SLC26A9: variants seen among roughly 807,000 people sequenced by gnomAD.
SLC26A9 encodes anion transporter/exchanger protein 9.
In SLC26A9, 46 loss-of-function variants were observed where a neutral mutation model predicts 87.1. That is an observed-to-expected ratio of 0.53 (90% CI 0.42 to 0.67). The LOEUF (loss-of-function observed/expected upper bound fraction) is 0.67. SLC26A9 is among the 30% of genes least tolerant of loss of function. The pLI, the probability that SLC26A9 is intolerant of heterozygous loss-of-function variation, is 0.00. For missense variants in SLC26A9, 927 were observed against 1,018.3 expected, an observed-to-expected ratio of 0.91 and a Z score of 1.22; for synonymous variants, 437 against 409.1, an observed-to-expected ratio of 1.07 and a Z score of -0.82.
At position 205,914,482 on chromosome 1, in the gene SLC26A9, A is replaced by C; in HGVS notation, c.*875T>G. On this transcript the variant is annotated 3_prime_UTR_variant, in exon 21 of 21. Coordinates refer to ENST00000367135, the MANE Select transcript of SLC26A9 (RefSeq NM_052934.4). Reference sequence around the variant, plus strand: ...TCTGAGTCTCTGGGTGCAAAGAGGAATTCCCAAAAGTTTTGTGCAGAATAA... The same window carrying C: ...TCTGAGTCTCTGGGTGCAAAGAGGACTTCCCAAAAGTTTTGTGCAGAATAA... The C allele has an allele frequency of 5.6e-6, 1 of 177,476 alleles. No individual in the cohort carries two copies. The highest frequency in any genetic ancestry group is 1.2e-5 in the Non-Finnish European group (1 of 82,390). The allele number at this position is 177,476 out of a possible 1,614,324, so 11.0% of individuals were successfully genotyped here. A position where few individuals can be genotyped will look rare whatever the true frequency, so the allele number is the denominator to read the frequency against.
At chr1:205,938,568 A>T (rs895745004) in intron 1 of SLC26A9, among the ~76,000 whole-genome samples, 2 of 151,812 alleles carry the variant, frequency 1.3e-5, no homozygotes, top group Admixed American at 1.3e-4. Context: ...CCTCCACACC[A>T]TCTGGGCTGG....
In SLC26A9 at chr1:205,914,779, C is replaced by T; in HGVS notation, c.*578G>A. The T allele has an allele frequency of 1.5e-6, 2 of 1,377,466 alleles. No individual in the cohort carries two copies. Among genetic ancestry groups the T allele is most frequent in the South Asian group, 1.4e-5 (1 of 71,358 alleles). The allele number at this position is 1,377,466 out of a possible 1,614,324, so 85.3% of individuals were successfully genotyped here. ...ATGATGGAGGGGGGGCGCATAGTTACCAAGGCCTAGACTCCTGGGTGTGGA... is the reference window on the plus strand; with the variant it reads ...ATGATGGAGGGGGGGCGCATAGTTATCAAGGCCTAGACTCCTGGGTGTGGA... On this transcript the variant is annotated 3_prime_UTR_variant, in exon 21 of 21. Transcript: ENST00000367135.
chr1:205,921,737 G>A lies in SLC26A9; in HGVS notation c.1884C>T (p.Ser628=), dbSNP rs1487115240. Residue 628 remains serine (S), a synonymous_variant, in exon 17 of 21, where the codon AGC becomes AGT. Coordinates refer to ENST00000367135, the MANE Select transcript of SLC26A9 (RefSeq NM_052934.4). ...TCTGGGCAGGTGAGGAGCTGTCAGG[G>A]CTGAAGGTGATATAGGACACGCTGG... ...NGTSVSYITF[S]PDSSSPAQSE... The A allele has an allele frequency of 1.3e-6, 2 of 1,592,512 alleles. No individual in the cohort carries two copies. Among genetic ancestry groups the A allele is most frequent in the Non-Finnish European group, 1.7e-6 (2 of 1,169,606 alleles).
At chr1:205,915,514 G>T in intron 20 of SLC26A9, 110 bp from the exon 21 acceptor site, 1 of 1,310,940 alleles carries the variant, frequency 7.6e-7, no homozygotes. Flanking sequence ...CCAGAACAAA[G>T]CACCTGTGTG....
At position 205,935,778 on chromosome 1, in the gene SLC26A9, A is replaced by T; in HGVS notation, c.43T>A (p.Tyr15Asn). ...RPRYVVDRAA[Y>N]SLTLFDDEFE... ...TCATCGTCGAAGAGGGTAAGGGAGTATGCGGCTCTGTCTACCACGTAGCGG... is the reference window on the plus strand; with the variant it reads ...TCATCGTCGAAGAGGGTAAGGGAGTTTGCGGCTCTGTCTACCACGTAGCGG... The change falls in exon 2 of 21, where the codon TAC becomes AAC. Residue 15 changes from tyrosine to asparagine, a missense_variant. Physicochemically the swap from Tyr to Asn is moderately radical, Grantham distance 143. Transcript: ENST00000367135. The T allele has an allele frequency of 3.1e-6, 5 of 1,613,912 alleles. No homozygotes were observed. Among genetic ancestry groups the T allele is most frequent in the Non-Finnish European group, 4.2e-6 (5 of 1,179,868 alleles).
chr1:205,917,238 C>T (rs1658630706), intron 20 of SLC26A9, 45 bp downstream of exon 20: 1 of 1,607,226 alleles, frequency 6.2e-7, no homozygotes. Flanking sequence ...CATCCTTCCC[C>T]TCTTCGCCCT....
At position 205,920,181 on chromosome 1, in the gene SLC26A9, ATG is replaced by A. The variant is rs1455795054; in HGVS notation, c.2103_2104del (p.Ile702ProfsTer7). ...AAATGTCCTCTTTCTCTTACCATGGATGTTCACCAAGAAGACCTTCACGCCGA... is the reference window on the plus strand; with the variant it reads ...AAATGTCCTCTTTCTCTTACCATGGATTCACCAAGAAGACCTTCACGCCGA... On this transcript the variant is annotated frameshift_variant, in exon 18 of 21. Transcript: ENST00000367135. LOFTEE classifies it high-confidence loss of function. 2.5e-6 allele frequency: 4 copies of A among 1,613,886 alleles called. No individual in the cohort carries two copies. Among genetic ancestry groups the A allele is most frequent in the Non-Finnish European group, 1.7e-6 (2 of 1,179,850 alleles).
intron 13 of SLC26A9, 130 bp downstream of exon 13, chr1:205,924,253 G>A (rs1409484876): frequency 1.2e-6 from 1 of 806,418 alleles, no homozygotes; most frequent in Admixed American, 2.8e-5. Flanking sequence ...TTTGGGCCTG[G>A]CAGCACCTCC....
intron 2 of SLC26A9, among the ~76,000 whole-genome samples, chr1:205,933,991 T>C (rs1175883625): frequency 1.3e-5 from 2 of 152,188 alleles, no homozygotes; most frequent in Non-Finnish European, 1.5e-5. Flanking sequence ...CTTCTCCCAG[T>C]TGAGGGAACT....
chr1:205,920,571 G>T (rs1658786262), intron 17 of SLC26A9, among the ~76,000 whole-genome samples: 1 of 152,090 alleles, frequency 6.6e-6, no homozygotes, highest in African/African-American at 2.4e-5. Context: ...CGTGATCTTG[G>T]CTCGCTGCAA....
At chr1:205,938,619 C>T (rs576553725) in intron 1 of SLC26A9, among the ~76,000 whole-genome samples, 2 of 152,294 alleles carry the variant, frequency 1.3e-5, no homozygotes, top group Middle Eastern at 3.4e-3. Flanking sequence ...TCTCTGTTCC[C>T]ACTTTCCTCC....
chr1:205,942,309 A>G (rs1659780805), intron 1 of SLC26A9, among the ~76,000 whole-genome samples: 1 of 152,154 alleles, frequency 6.6e-6, no homozygotes, highest in Non-Finnish European at 1.5e-5. Flanking sequence ...CTGCCCAAGC[A>G]GGGTCTTGCC....
chr1:205,915,109 T>G lies in SLC26A9; in HGVS notation c.*248A>C, dbSNP rs1192662426. The G allele has an allele frequency of 6.2e-7, 1 of 1,613,862 alleles. No homozygotes were observed. Among genetic ancestry groups the G allele is most frequent in the African/African-American group, 1.3e-5 (1 of 74,914 alleles). ...AGGCTTGTCCATTGCGGCCAGGGCC[T>G]GACGGGTGAAGAGTGGGCTCACCAG... is the stretch of plus-strand genomic sequence containing the variant. On this transcript the variant is annotated 3_prime_UTR_variant, in exon 21 of 21. Coordinates refer to ENST00000367135, the MANE Select transcript of SLC26A9 (RefSeq NM_052934.4).
In SLC26A9 at chr1:205,914,178, C is replaced by T. The variant is rs1008779179; in HGVS notation, c.*1179G>A. 1.3e-5 allele frequency: 2 copies of T among 152,342 alleles called. No homozygotes were observed. Among genetic ancestry groups the T allele is most frequent in the African/African-American group, 4.8e-5 (2 of 41,544 alleles). The allele number at this position is 152,342 out of a possible 1,614,324, so 9.4% of individuals were successfully genotyped here. A position where few individuals can be genotyped will look rare whatever the true frequency, so the allele number is the denominator to read the frequency against. On this transcript the variant is annotated 3_prime_UTR_variant, in exon 21 of 21. Coordinates refer to ENST00000367135, the MANE Select transcript of SLC26A9 (RefSeq NM_052934.4). Reference sequence around the variant, plus strand: ...TAAAGAGTCTTCCTGTGCAGGAAGACCCAATCTGGATCAGCCCCTTTCCAC... The same window carrying T: ...TAAAGAGTCTTCCTGTGCAGGAAGATCCAATCTGGATCAGCCCCTTTCCAC...
At chr1:205,926,961 G>C (rs1415462873) in intron 11 of SLC26A9, among the ~76,000 whole-genome samples, 1 of 152,174 alleles carries the variant, frequency 6.6e-6, no homozygotes, top group Non-Finnish European at 1.5e-5. Context: ...AGGCCAGAAG[G>C]CTGGAGTTTG....
At chr1:205,915,505 C>T in intron 20 of SLC26A9, 101 bp from the exon 21 acceptor site, 1 of 1,454,560 alleles carries the variant, frequency 6.9e-7, no homozygotes, top group Non-Finnish European at 9.5e-7. Context: ...AACCCCTGGC[C>T]AGAACAAAGC....
intron 1 of SLC26A9, among the ~76,000 whole-genome samples, chr1:205,943,001 G>A (rs1659813024): frequency 6.6e-6 from 1 of 152,222 alleles, no homozygotes; most frequent in Non-Finnish European, 1.5e-5. Flanking sequence ...AAGAAAGGGA[G>A]AGGAGCAGCC....
At chr1:205,938,709 C>T (rs75692186) in intron 1 of SLC26A9, among the ~76,000 whole-genome samples, 118 of 152,264 alleles carry the variant, frequency 7.7e-4, no homozygotes, top group African/African-American at 2.6e-3. Context: ...TCCTCCAACC[C>T]TCTCCTTCCT....
intron 18 of SLC26A9, 39 bp from the exon 19 acceptor site, chr1:205,919,024 C>T (rs1475949589): frequency 3.1e-6 from 5 of 1,608,874 alleles, no homozygotes; most frequent in Non-Finnish European, 4.3e-6. Context: ...AGATAACAGC[C>T]ATTGTGGATT....
Sources: gnomAD v4.1 joint callset for allele counts (sites outside exome capture counted in the v4.1 genomes callset) on GRCh38, gnomAD v4.1.1 for gene constraint, MANE v1.5 for transcripts, NCBI Gene and HGNC (gene_info 2026-07-23, HGNC 2026-07-21) for gene names.